TRMT9B: variants seen among roughly 807,000 people sequenced by gnomAD.
TRMT9B encodes the protein probable tRNA methyltransferase 9B.
TRMT9B carries 16 observed loss-of-function variants against 11.5 expected under a neutral mutation model. The ratio of observed to expected loss-of-function variants is 1.39; its 90% CI spans 0.94 to 2.11. The LOEUF is 2.11. Ranked by LOEUF, TRMT9B falls within the 30% of genes most tolerant of loss-of-function variation. The pLI, the probability that TRMT9B is intolerant of heterozygous loss-of-function variation, is 0.00. For missense variants in TRMT9B, 941 were observed against 553.8 expected, an observed-to-expected ratio of 1.70 and a Z score of -7.02; for synonymous variants, 274 against 192.4, an observed-to-expected ratio of 1.42 and a Z score of -3.51.
Position 13,028,628 on chromosome 8 carries a change from G to T in TRMT9B, c.*6584G>T, listed in dbSNP as rs28659978. On this transcript the variant is annotated 3_prime_UTR_variant, in exon 5 of 5. Transcript: ENST00000524591. ...TCTCACTCTGTCACCCAGGCTGGAG[G>T]GCAGTAGTGCAGTCTCAGCTCATTG... 44,719 of 146,038 alleles carry T rather than the reference G, an allele frequency of 0.31. 7,826 individuals carry two copies. The highest frequency in any genetic ancestry group is 0.6 in the East Asian group (2,907 of 4,864). The allele number at this position is 146,038 out of a possible 1,614,324, so 9.0% of individuals were successfully genotyped here.
At chr8:12,985,718 C>T (rs565593321) in intron 1 of TRMT9B, among the ~76,000 whole-genome samples, 6 of 151,928 alleles carry the variant, frequency 3.9e-5, no homozygotes, top group African/African-American at 1.5e-4. Flanking sequence ...GCTAGCCTCT[C>T]CTCTAATGCT....
Position 13,021,548 on chromosome 8 carries a change from C to G in TRMT9B, c.869C>G (p.Ser290Cys). The change falls in exon 5 of 5, where the codon TCT (serine) becomes TGT (cysteine). Residue 290 changes from serine (S) to cysteine (C), a missense_variant. Transcript: ENST00000524591. ...STVTVQPSRH[S>C]SLDFDHQEPF... is the part of the protein sequence containing the mutation. The stretch of plus-strand genomic sequence containing the variant: ...GTAACAGTCCAGCCTTCCAGACACT[C>G]TAGTTTAGACTTTGATCACCAAGAG... 3 of 1,613,882 alleles carry G rather than the reference C, an allele frequency of 1.9e-6. No individual in the cohort carries two copies. Among genetic ancestry groups the G allele is most frequent in the Middle Eastern group, 1.6e-4 (1 of 6,062 alleles).
At chr8:12,995,862 C>A (rs1055799231) in intron 2 of TRMT9B, among the ~76,000 whole-genome samples, 1 of 152,092 alleles carries the variant, frequency 6.6e-6, no homozygotes, top group Non-Finnish European at 1.5e-5. Flanking sequence ...CAGATTTTTC[C>A]AATAACTGCA....
In TRMT9B at chr8:13,027,214, A is replaced by G. The variant is rs968633560; in HGVS notation, c.*5170A>G. ...TGATACAAGGTAATGACTATCTGGC[A>G]TCTTGAAGGTACCCAGAATATTAGA... On this transcript the variant is annotated 3_prime_UTR_variant, in exon 5 of 5. Coordinates refer to ENST00000524591, the MANE Select transcript of TRMT9B (RefSeq NM_020844.3). 1.8e-5 allele frequency: 3 copies of G among 167,064 alleles called. No homozygotes were observed. The highest frequency in any genetic ancestry group is 4.8e-5 in the African/African-American group (2 of 41,444). The allele number at this position is 167,064 out of a possible 1,614,324, so 10.3% of individuals were successfully genotyped here. A position where few individuals can be genotyped will look rare whatever the true frequency, so the allele number is the denominator to read the frequency against.
intron 1 of TRMT9B, among the ~76,000 whole-genome samples, chr8:12,979,599 A>G (rs186777337): frequency 2.0e-5 from 3 of 152,200 alleles, no homozygotes; most frequent in African/African-American, 7.2e-5. Context: ...AACGATGTTA[A>G]CTCCCAAAGC....
chr8:13,018,600 C>T (rs770427718), intron 4 of TRMT9B, among the ~76,000 whole-genome samples: 1 of 152,136 alleles, frequency 6.6e-6, no homozygotes, highest in Non-Finnish European at 1.5e-5. Flanking sequence ...TCTGTGAACA[C>T]TGAATTAATA....
At chr8:12,999,169 C>A (rs758528184) in intron 2 of TRMT9B, among the ~76,000 whole-genome samples, 1 of 151,754 alleles carries the variant, frequency 6.6e-6, no homozygotes, top group African/African-American at 2.4e-5. Flanking sequence ...CATGGTGGTA[C>A]GTGCCTATAA....
At chr8:12,987,927 A>T (rs1371184542) in intron 1 of TRMT9B, among the ~76,000 whole-genome samples, 1 of 152,178 alleles carries the variant, frequency 6.6e-6, no homozygotes, top group Non-Finnish European at 1.5e-5. Flanking sequence ...GCATGTCATT[A>T]GCCTGGAAAA....
intron 1 of TRMT9B, chr8:12,962,141 G>A (rs1190576313): frequency 1.3e-5 from 2 of 152,404 alleles, no homozygotes; most frequent in East Asian, 3.9e-4. Flanking sequence ...TCTGCAGGAA[G>A]CTCTTGGGGC....
At chr8:12,979,172 T>G (rs1428086469) in intron 1 of TRMT9B, among the ~76,000 whole-genome samples, 2 of 152,192 alleles carry the variant, frequency 1.3e-5, no homozygotes, top group East Asian at 3.9e-4. Flanking sequence ...GTTGTCCTTT[T>G]CAGGGGAGTG....
intron 1 of TRMT9B, among the ~76,000 whole-genome samples, chr8:12,963,022 G>T (rs1802338524): frequency 6.6e-6 from 1 of 152,150 alleles, no homozygotes; most frequent in Non-Finnish European, 1.5e-5. Flanking sequence ...TGAGTATTAT[G>T]ATTTATCCAT....
intron 2 of TRMT9B, among the ~76,000 whole-genome samples, chr8:12,999,315 A>AG (rs1808954349): frequency 1.4e-5 from 2 of 145,802 alleles, no homozygotes; most frequent in South Asian, 4.3e-4. Context: ...AAAAAAAAAA[A>AG]GAAAAGAAAA....
chr8:12,951,518 G>T (rs1800609287), intron 1 of TRMT9B: 1 of 152,256 alleles, frequency 6.6e-6, no homozygotes, highest in South Asian at 2.1e-4. Flanking sequence ...CCCCGGCGGG[G>T]CGGGCGCGGC....
intron 1 of TRMT9B, among the ~76,000 whole-genome samples, chr8:12,967,949 G>T (rs1056098688): frequency 6.6e-6 from 1 of 152,204 alleles, no homozygotes; most frequent in Non-Finnish European, 1.5e-5. Context: ...AGGCTGGAGT[G>T]CAGTGGCACG....
chr8:13,014,263 G>A (rs1401064244), intron 4 of TRMT9B, among the ~76,000 whole-genome samples: 1 of 152,188 alleles, frequency 6.6e-6, no homozygotes, highest in East Asian at 1.9e-4. Flanking sequence ...AGCATTAAGA[G>A]GATTGTCTTA....
intron 1 of TRMT9B, among the ~76,000 whole-genome samples, chr8:12,963,139 C>T (rs1181779745): frequency 2.6e-5 from 4 of 152,086 alleles, no homozygotes; most frequent in Non-Finnish European, 5.9e-5. Context: ...ATCACTAAAC[C>T]ATGTATACTG....
chr8:13,020,999 C>T lies in TRMT9B; in HGVS notation c.329-9C>T. The T allele has an allele frequency of 6.6e-7, 1 of 1,516,964 alleles. No individual in the cohort carries two copies. The highest frequency in any genetic ancestry group is 8.8e-7 in the Non-Finnish European group (1 of 1,130,158). The allele number at this position is 1,516,964 out of a possible 1,614,324, so 94.0% of individuals were successfully genotyped here. A position where few individuals can be genotyped will look rare whatever the true frequency, so the allele number is the denominator to read the frequency against. ...CATACACACTGAGATCTAGTTTTGT[C>T]TTTTTCAGTCATACATCATTTTTCT... On this transcript the variant is annotated splice_polypyrimidine_tract_variant and intron_variant, in intron 4 of 4. Coordinates refer to ENST00000524591, the MANE Select transcript of TRMT9B (RefSeq NM_020844.3).
chr8:13,023,644 A>C lies in TRMT9B; in HGVS notation c.*1600A>C, dbSNP rs1349437937. On this transcript the variant is annotated 3_prime_UTR_variant, in exon 5 of 5. Transcript: ENST00000524591. ...CAGTCTCAAGTAGTTCATTAATGAGAAAATTGACATCTGACAAGAGTCTTT... is the reference window on the plus strand; with the variant it reads ...CAGTCTCAAGTAGTTCATTAATGAGCAAATTGACATCTGACAAGAGTCTTT... 4 of 167,120 alleles carry C rather than the reference A, an allele frequency of 2.4e-5. No individual in the cohort carries two copies. The Admixed American group carries it at 2.6e-4, about 11-fold the overall frequency. The allele number at this position is 167,120 out of a possible 1,614,324, so 10.4% of individuals were successfully genotyped here. A position where few individuals can be genotyped will look rare whatever the true frequency, so the allele number is the denominator to read the frequency against.
Position 12,999,823 on chromosome 8 carries a change from C to T in TRMT9B, c.-1-6379C>T, listed in dbSNP as rs191199127. ...TGGAGAAGACTGTAGGTAGAAGTTG[C>T]CACTAGGCTCACAATATTAAGTTCA... On this transcript the variant is annotated intron_variant, in intron 2 of 4. Coordinates refer to ENST00000524591, the MANE Select transcript of TRMT9B (RefSeq NM_020844.3). 2.2e-3 allele frequency among the ~76,000 whole-genome samples: 329 copies of T among 152,214 alleles called. 3 individuals carry two copies. The highest frequency in any genetic ancestry group is 6.7e-3 in the African/African-American group (279 of 41,540).
Sources: allele counts gnomAD v4.1 joint callset (sites outside exome capture counted in the v4.1 genomes callset), GRCh38; gene constraint gnomAD v4.1.1; transcripts MANE v1.5; gene names NCBI Gene and HGNC (gene_info 2026-07-23, HGNC 2026-07-21).